Variants in PAPSS1 observed in about 807,000 individuals in gnomAD.
The protein encoded by PAPSS1 is bifunctional 3'-phosphoadenosine 5'-phosphosulfate synthase 1.
In PAPSS1, 50 loss-of-function variants were observed where a neutral mutation model predicts 72.0. That is an observed-to-expected ratio of 0.69 (90% CI 0.55 to 0.88). The LOEUF (loss-of-function observed/expected upper bound fraction) is 0.88, where lower values mean the gene tolerates loss of function less well. Among genes scored for constraint, PAPSS1 ranks in the 40% least tolerant of loss-of-function variants. The probability of loss-of-function intolerance (pLI) is 0.00; values close to 1 mark genes in which losing one functional copy is unlikely to be tolerated. For missense variants in PAPSS1, 657 were observed against 782.2 expected (o/e 0.84, Z 1.91); for synonymous variants, 261 against 263.6 (o/e 0.99, Z 0.09).
At chr4:107,703,360 G>A (rs1344351286) in intron 1 of PAPSS1, among the ~76,000 whole-genome samples, 2 of 149,552 alleles carry the variant, frequency 1.3e-5, no homozygotes, top group South Asian at 4.2e-4. Context: ...TTTATTTGAT[G>A]TACTCCCATT....
intron 5 of PAPSS1, among the ~76,000 whole-genome samples, chr4:107,669,635 A>G (rs984814365): frequency 6.6e-6 from 1 of 152,230 alleles, no homozygotes; most frequent in African/African-American, 2.4e-5. Flanking sequence ...CAACAGAGAA[A>G]TATGCGTGCT....
intron 2 of PAPSS1, among the ~76,000 whole-genome samples, chr4:107,700,809 C>T (rs1421163573): frequency 2.6e-5 from 4 of 152,202 alleles, no homozygotes; most frequent in Admixed American, 2.6e-4. Context: ...ATATAAATTA[C>T]CCAGTCTCTG....
At position 107,720,234 on chromosome 4, in the gene PAPSS1, G is replaced by C. The variant is rs373452217; in HGVS notation, c.-55C>G. 3 of 1,556,602 alleles carry C rather than the reference G, an allele frequency of 1.9e-6. No individual in the cohort carries two copies. In the African/African-American group the frequency reaches 4.2e-5, roughly 22 times the overall value. On this transcript the variant is annotated 5_prime_UTR_variant, in exon 1 of 12. Transcript: ENST00000265174. ...TCTCTGCGCCGGGAGGGTAGCAAGA[G>C]GAGGGCAGGCCAGCGAGCGGGGCGG...
At chr4:107,675,882 A>G (rs1210232629) in intron 5 of PAPSS1, among the ~76,000 whole-genome samples, 3 of 152,252 alleles carry the variant, frequency 2.0e-5, no homozygotes, top group Admixed American at 2.0e-4. Context: ...GGTTCAACAT[A>G]CACAAATCAA....
intron 10 of PAPSS1, among the ~76,000 whole-genome samples, chr4:107,640,519 T>A (rs554746032): frequency 4.3e-4 from 64 of 150,082 alleles, no homozygotes; most frequent in African/African-American, 1.5e-3. Flanking sequence ...ACTGACAGAC[T>A]TTTTCCTGAT....
chr4:107,648,771 T>G (rs1463550634), intron 9 of PAPSS1, among the ~76,000 whole-genome samples: 1 of 152,152 alleles, frequency 6.6e-6, no homozygotes, highest in Non-Finnish European at 1.5e-5. Context: ...GTGCTTAATG[T>G]TTGTTTTTGT....
chr4:107,640,601 A>G (rs778078998), intron 10 of PAPSS1, among the ~76,000 whole-genome samples: 2 of 152,188 alleles, frequency 1.3e-5, no homozygotes, highest in Non-Finnish European at 2.9e-5. Context: ...ATGGCTGCAA[A>G]TAAGTCAAAC....
intron 1 of PAPSS1, among the ~76,000 whole-genome samples, chr4:107,708,252 C>T (rs1410186228): frequency 6.6e-6 from 1 of 152,136 alleles, no homozygotes; most frequent in Non-Finnish European, 1.5e-5. Flanking sequence ...ACCAGCTCTA[C>T]ATTTCCAAGA....
Position 107,699,364 on chromosome 4 carries a change from A to C in PAPSS1, c.175+1807T>G, listed in dbSNP as rs569488299. On this transcript the variant is annotated intron_variant, in intron 2 of 11. Coordinates refer to ENST00000265174, the MANE Select transcript of PAPSS1 (RefSeq NM_005443.5). ...ACTCCACTGTCCTTCAAGATTTATA[A>C]AAATACAGTAACTAAGAAATGTGGC... 3.5e-4 allele frequency among the ~76,000 whole-genome samples: 53 copies of C among 152,304 alleles called. 1 individual carries two copies. The highest frequency in any genetic ancestry group is 6.8e-3 in the Middle Eastern group (2 of 294).
intron 11 of PAPSS1, among the ~76,000 whole-genome samples, chr4:107,618,640 T>C (rs1449715893): frequency 1.3e-5 from 2 of 151,894 alleles, no homozygotes; most frequent in Non-Finnish European, 2.9e-5. Context: ...AAAGATGTGG[T>C]GGTTAATGCA....
chr4:107,700,598 C>A (rs891221878), intron 2 of PAPSS1, among the ~76,000 whole-genome samples: 3 of 152,160 alleles, frequency 2.0e-5, no homozygotes, highest in Non-Finnish European at 4.4e-5. Flanking sequence ...TGCAGTCTAA[C>A]GGAGGTGTTT....
chr4:107,684,741 C>T (rs956452113), intron 4 of PAPSS1, among the ~76,000 whole-genome samples: 1 of 152,108 alleles, frequency 6.6e-6, no homozygotes, highest in Admixed American at 6.5e-5. Flanking sequence ...TTGAGTTGTC[C>T]CACCTTTCTG....
chr4:107,716,310 C>G lies in PAPSS1; in HGVS notation c.60+3810G>C, dbSNP rs183128386. On this transcript the variant is annotated intron_variant, in intron 1 of 11. Coordinates refer to ENST00000265174, the MANE Select transcript of PAPSS1 (RefSeq NM_005443.5). ...AAATGGTCCAAGGCTCTAAACATTT[C>G]AGCCCCTGACAAAGGGTAACAGGCA... 3.9e-4 allele frequency among the ~76,000 whole-genome samples: 60 copies of G among 152,328 alleles called. No individual in the cohort carries two copies. In the East Asian group the frequency reaches 0.011, roughly 27 times the overall value.
At chr4:107,687,851 G>C (rs1236696232) in intron 3 of PAPSS1, among the ~76,000 whole-genome samples, 3 of 151,880 alleles carry the variant, frequency 2.0e-5, no homozygotes, top group Admixed American at 2.0e-4. Context: ...TTTCAAAGCT[G>C]GTCCCTGCAA....
chr4:107,625,028 T>C (rs551132266), intron 11 of PAPSS1, among the ~76,000 whole-genome samples: 1 of 152,306 alleles, frequency 6.6e-6, no homozygotes, highest in East Asian at 1.9e-4. Flanking sequence ...AGGTTCTATA[T>C]AGTGCGAATA....
chr4:107,653,606 A>G lies in PAPSS1; in HGVS notation c.1122T>C (p.Asp374=), dbSNP rs1726916121. The change falls in exon 9 of 12, where the codon GAT becomes GAC. Residue 374 remains aspartate (D), a synonymous_variant. Coordinates refer to ENST00000265174, the MANE Select transcript of PAPSS1 (RefSeq NM_005443.5). ...CTTGAAGATCTCCTCCAATCAGCCAATCTCCTTGTTCCATCACCATCTAAT... is the reference window on the plus strand; with the variant it reads ...CTTGAAGATCTCCTCCAATCAGCCAGTCTCCTTGTTCCATCACCATCTAAT... ...PYIKMVMEQG[D]WLIGGDLQVL... is the part of the protein sequence containing the mutation. 1 of 1,613,438 alleles carries G rather than the reference A, an allele frequency of 6.2e-7. No homozygotes were observed. Among genetic ancestry groups the G allele is most frequent in the East Asian group, 2.2e-5 (1 of 44,780 alleles).
At chr4:107,668,896 T>A (rs1727391256) in intron 5 of PAPSS1, among the ~76,000 whole-genome samples, 1 of 152,202 alleles carries the variant, frequency 6.6e-6, no homozygotes, top group African/African-American at 2.4e-5. Context: ...CACACATTTA[T>A]ATATTCTTTT....
intron 1 of PAPSS1, among the ~76,000 whole-genome samples, chr4:107,709,184 AAAAT>A (rs1723423956): frequency 6.6e-6 from 1 of 152,240 alleles, no homozygotes; most frequent in Non-Finnish European, 1.5e-5. Flanking sequence ...TTCATATTAA[AAAAT>A]AAACTTAAAA....
chr4:107,694,855 T>C (rs1434836150), intron 2 of PAPSS1, among the ~76,000 whole-genome samples: 1 of 152,132 alleles, frequency 6.6e-6, no homozygotes, highest in Non-Finnish European at 1.5e-5. Flanking sequence ...GCGAGTGTCA[T>C]AACCAAGATA....
Sources: gnomAD v4.1 joint callset for allele counts (sites outside exome capture counted in the v4.1 genomes callset) on GRCh38, gnomAD v4.1.1 for gene constraint, MANE v1.5 for transcripts, NCBI Gene and HGNC (gene_info 2026-07-23, HGNC 2026-07-21) for gene names.